The following EBF1 variants were observed in gnomAD, a reference collection of about 807,000 sequenced individuals.
The protein encoded by EBF1 is EBF transcription factor 1.
A neutral mutation model predicts 68.4 loss-of-function variants in EBF1; 10 were observed. The observed-to-expected ratio is 0.15, with a 90% CI of 0.09 to 0.25. EBF1 has a LOEUF of 0.25. Ranked by LOEUF, EBF1 falls within the 10% of genes least tolerant of loss-of-function variation. The probability of loss-of-function intolerance (pLI) is 1.00; values close to 1 mark genes in which losing one functional copy is unlikely to be tolerated. For synonymous variants in EBF1, 298 were observed against 299.8 expected (o/e 0.99, Z 0.06); for missense variants, 509 against 794.4 (o/e 0.64, Z 4.32).
intron 9 of EBF1, among the ~76,000 whole-genome samples, chr5:158,785,131 C>T (rs1175801136): frequency 6.6e-6 from 1 of 152,134 alleles, no homozygotes; most frequent in Non-Finnish European, 1.5e-5. Flanking sequence ...GAGTGATAGA[C>T]ATGAAGCAGA....
intron 6 of EBF1, among the ~76,000 whole-genome samples, chr5:159,005,155 C>A (rs1051468134): frequency 7.2e-5 from 11 of 152,170 alleles, no homozygotes; most frequent in Non-Finnish European, 1.3e-4. Flanking sequence ...GAGGAAACAA[C>A]CCACAAGAGC....
chr5:159,097,369 G>T, intron 1 of EBF1: 1 of 542,632 alleles, frequency 1.8e-6, no homozygotes, highest in Non-Finnish European at 3.2e-6. Context: ...CGCTGAAGAG[G>T]TGTGAAAGTT....
At chr5:158,707,263 G>C (rs1296559353) in intron 15 of EBF1, among the ~76,000 whole-genome samples, 2 of 152,100 alleles carry the variant, frequency 1.3e-5, no homozygotes, top group East Asian at 1.9e-4. Flanking sequence ...TGTAAGAAAT[G>C]GTGTGCTCAG....
intron 6 of EBF1, among the ~76,000 whole-genome samples, chr5:158,970,220 G>C (rs746050527): frequency 1.4e-4 from 21 of 152,210 alleles, no homozygotes; most frequent in Middle Eastern, 3.2e-3. Context: ...GCAGATATCA[G>C]TTGGGCCATA....
intron 6 of EBF1, among the ~76,000 whole-genome samples, chr5:158,947,141 A>T (rs1181925339): frequency 6.6e-6 from 1 of 152,076 alleles, no homozygotes. Context: ...GGTGGGATCC[A>T]CTGAGCAAAA....
At chr5:159,008,675 AC>A (rs1372536087) in intron 6 of EBF1, among the ~76,000 whole-genome samples, 1 of 151,800 alleles carries the variant, frequency 6.6e-6, no homozygotes, top group Non-Finnish European at 1.5e-5. Context: ...CTAGGTATGC[AC>A]CACCACGCCC....
intron 6 of EBF1, among the ~76,000 whole-genome samples, chr5:159,072,059 T>C (rs1178203246): frequency 6.6e-6 from 1 of 152,250 alleles, no homozygotes; most frequent in African/African-American, 2.4e-5. Flanking sequence ...TCTGCTTTTG[T>C]AGATAAACAT....
chr5:159,020,027 C>A (rs1392259458), intron 6 of EBF1, among the ~76,000 whole-genome samples: 1 of 152,030 alleles, frequency 6.6e-6, no homozygotes, highest in Non-Finnish European at 1.5e-5. Context: ...GTTTCCCCAC[C>A]TAAGAATGAG....
At chr5:158,867,999 T>C (rs1796242102) in intron 6 of EBF1, among the ~76,000 whole-genome samples, 1 of 152,088 alleles carries the variant, frequency 6.6e-6, no homozygotes, top group Non-Finnish European at 1.5e-5. Context: ...ATTTTTTTTT[T>C]CTCTAAAGAC....
chr5:158,840,355 A>C (rs1789939163), intron 6 of EBF1, among the ~76,000 whole-genome samples: 2 of 152,326 alleles, frequency 1.3e-5, no homozygotes, highest in South Asian at 4.2e-4. Context: ...TTAAGCCCCA[A>C]GGAAGTATTT....
intron 6 of EBF1, among the ~76,000 whole-genome samples, chr5:158,853,408 A>G (rs569495479): frequency 6.6e-6 from 1 of 152,350 alleles, no homozygotes; most frequent in South Asian, 2.1e-4. Flanking sequence ...AAAAAAAGAG[A>G]TGGAATTTCC....
chr5:159,070,599 A>G (rs1040226007), intron 6 of EBF1, among the ~76,000 whole-genome samples: 8 of 152,178 alleles, frequency 5.3e-5, no homozygotes, highest in Non-Finnish European at 1.2e-4. Flanking sequence ...TGAATAAACC[A>G]CTGCTAAAAG....
chr5:158,748,503 C>T (rs1768085005), intron 10 of EBF1, among the ~76,000 whole-genome samples: 1 of 152,182 alleles, frequency 6.6e-6, no homozygotes, highest in African/African-American at 2.4e-5. Flanking sequence ...TATCAGTTAA[C>T]TATCTTCGGA....
At chr5:158,730,956 A>T in intron 11 of EBF1, 113 bp downstream of exon 11, 1 of 987,632 alleles carries the variant, frequency 1.0e-6, no homozygotes, top group South Asian at 1.6e-5. Context: ...CAAACACACA[A>T]AACACAAAAA....
intron 14 of EBF1, among the ~76,000 whole-genome samples, chr5:158,711,088 T>C: frequency 6.6e-6 from 1 of 152,108 alleles, no homozygotes; most frequent in African/African-American, 2.4e-5. Flanking sequence ...CCAAAGAACG[T>C]TTTTTTATGT....
intron 10 of EBF1, among the ~76,000 whole-genome samples, chr5:158,766,617 C>G (rs998223318): frequency 1.3e-5 from 2 of 152,130 alleles, no homozygotes; most frequent in Non-Finnish European, 2.9e-5. Context: ...CAGAATCACA[C>G]TATATTCTGG....
chr5:158,712,024 G>A (rs891113757), intron 14 of EBF1, 130 bp downstream of exon 14: 7 of 1,098,492 alleles, frequency 6.4e-6, no homozygotes, highest in Non-Finnish European at 9.2e-6. Context: ...CCATCACCCA[G>A]GGGAGTGCCT....
chr5:158,731,056 G>A lies in EBF1; in HGVS notation c.1125+13C>T. The stretch of plus-strand genomic sequence containing the variant: ...CCAAATTTTCAGGAATTACAAAAAG[G>A]CAGTATCCTCACCTTTGGCAAACGC... On this transcript the variant is annotated intron_variant, in intron 11 of 15. Coordinates refer to ENST00000313708, the MANE Select transcript of EBF1 (RefSeq NM_024007.5). 6.2e-7 allele frequency: 1 copy of A among 1,611,342 alleles called. No individual in the cohort carries two copies. Among genetic ancestry groups the A allele is most frequent in the African/African-American group, 1.3e-5 (1 of 74,936 alleles).
At chr5:158,978,438 CA>C (rs1757212122) in intron 6 of EBF1, among the ~76,000 whole-genome samples, 1 of 152,112 alleles carries the variant, frequency 6.6e-6, no homozygotes, top group African/African-American at 2.4e-5. Flanking sequence ...ATCTGCTTTA[CA>C]CTTCATTTTG....
Sources: gnomAD v4.1 joint callset for allele counts (sites outside exome capture counted in the v4.1 genomes callset) on GRCh38, gnomAD v4.1.1 for gene constraint, MANE v1.5 for transcripts, NCBI Gene and HGNC (gene_info 2026-07-23, HGNC 2026-07-21) for gene names.